Variants in FLI1 observed in about 807,000 individuals in gnomAD.
FLI1 encodes the protein Friend leukemia integration 1 transcription factor.
FLI1 carries 13 observed loss-of-function variants against 53.1 expected under a neutral mutation model. The observed-to-expected ratio is 0.24, with a 90% CI of 0.16 to 0.39. The LOEUF is 0.39. FLI1 is among the 10% of genes least tolerant of loss of function. FLI1 has a pLI of 1.00. For missense variants in FLI1, 424 were observed against 600.5 expected, an observed-to-expected ratio of 0.71 and a Z score of 3.07; for synonymous variants, 244 against 236.7, an observed-to-expected ratio of 1.03 and a Z score of -0.28.
chr11:128,768,121 G>A lies in FLI1; in HGVS notation c.234G>A (p.Glu78=). The A allele has an allele frequency of 6.2e-7, 1 of 1,610,978 alleles. No homozygotes were observed. The highest frequency in any genetic ancestry group is 8.5e-7 in the Non-Finnish European group (1 of 1,178,086). The change falls in exon 3 of 9, where the codon GAG becomes GAA. Residue 78 remains glutamate (E), a synonymous_variant. Transcript: ENST00000527786. ...GCTTTGTCTCTTCTCACTTTAGGGA[G>A]TCTCCGGTGGACTGCAGCGTTAGCA... The part of the protein sequence containing the change: ...REYDHMNGSR[E]SPVDCSVSKC...
chr11:128,783,994 G>A (rs1056333545), intron 5 of FLI1, among the ~76,000 whole-genome samples: 2 of 151,894 alleles, frequency 1.3e-5, no homozygotes, highest in Non-Finnish European at 2.9e-5. Context: ...AGGAAGGAAG[G>A]GAGGGAAGGA....
chr11:128,800,454 G>A (rs528850787), intron 5 of FLI1, among the ~76,000 whole-genome samples: 31 of 152,266 alleles, frequency 2.0e-4, no homozygotes, highest in African/African-American at 6.7e-4. Flanking sequence ...CGGCAGGGAC[G>A]TTTGGGCTTT....
At chr11:128,731,273 CA>C (rs1173804908) in intron 1 of FLI1, among the ~76,000 whole-genome samples, 5 of 151,450 alleles carry the variant, frequency 3.3e-5, no homozygotes, top group Non-Finnish European at 7.4e-5. Flanking sequence ...CAGCACTGCT[CA>C]GGGGCAGGGA....
At chr11:128,703,842 CA>C (rs35230795) in intron 1 of FLI1, among the ~76,000 whole-genome samples, 12 of 45,944 alleles carry the variant, frequency 2.6e-4, no homozygotes, top group Admixed American at 2.0e-3. Context: ...GACTCCGTCT[CA>C]AAAAAAAAAA....
chr11:128,703,699 TG>T (rs993381645), intron 1 of FLI1, among the ~76,000 whole-genome samples: 4 of 151,654 alleles, frequency 2.6e-5, no homozygotes, highest in African/African-American at 9.7e-5. Context: ...AAAAATTAGC[TG>T]GGTGTGGTGG....
chr11:128,772,463 T>C (rs1375185390), intron 3 of FLI1, among the ~76,000 whole-genome samples: 1 of 152,238 alleles, frequency 6.6e-6, no homozygotes, highest in Non-Finnish European at 1.5e-5. Flanking sequence ...TCCCGGGGTC[T>C]GTGAAATTGT....
intron 1 of FLI1, among the ~76,000 whole-genome samples, chr11:128,731,130 G>A (rs754879181): frequency 4.6e-5 from 7 of 152,338 alleles, no homozygotes; most frequent in Non-Finnish European, 7.4e-5. Context: ...ACGCTTGGCC[G>A]TTTCCTGTTG....
chr11:128,702,250 G>T (rs1938362106), intron 1 of FLI1, among the ~76,000 whole-genome samples: 1 of 152,190 alleles, frequency 6.6e-6, no homozygotes, highest in African/African-American at 2.4e-5. Flanking sequence ...TCATGTAAAT[G>T]AACAAGAATA....
rs749995325 is a variant in FLI1 at position 128,772,930 on chromosome 11, C to T, written c.534C>T (p.Ala178=). 122 of 1,613,894 alleles carry T rather than the reference C, an allele frequency of 7.6e-5. No individual in the cohort carries two copies. Among genetic ancestry groups the T allele is most frequent in the Middle Eastern group, 1.6e-4 (1 of 6,084 alleles). Residue 178 remains alanine (A), a synonymous_variant, in exon 4 of 9, where the codon GCC becomes GCT. Transcript: ENST00000527786. The stretch of plus-strand genomic sequence containing the variant: ...TGAACAAGGAGGACTTCCTCCGCGC[C>T]ACCACCCTCTACAACACGGAAGTGC... The part of the protein sequence containing the change: ...CKMNKEDFLR[A]TTLYNTEVLL...
At chr11:128,713,906 A>C (rs1938896781) in intron 1 of FLI1, among the ~76,000 whole-genome samples, 1 of 152,148 alleles carries the variant, frequency 6.6e-6, no homozygotes, top group Non-Finnish European at 1.5e-5. Context: ...TCCTAACCAT[A>C]GTCCCCCCAG....
intron 1 of FLI1, among the ~76,000 whole-genome samples, chr11:128,725,751 GA>G (rs1453463072): frequency 4.0e-5 from 6 of 149,286 alleles, no homozygotes; most frequent in East Asian, 3.9e-4. Flanking sequence ...CTTATGAAGG[GA>G]AAAAAAAACC....
intron 1 of FLI1, among the ~76,000 whole-genome samples, chr11:128,755,643 A>G (rs1940828941): frequency 6.6e-6 from 1 of 152,262 alleles, no homozygotes; most frequent in African/African-American, 2.4e-5. Context: ...AAGAGTGGAT[A>G]TAATAACCAA....
chr11:128,740,585 C>T (rs1331772580), intron 1 of FLI1, among the ~76,000 whole-genome samples: 2 of 152,182 alleles, frequency 1.3e-5, no homozygotes, highest in African/African-American at 4.8e-5. Context: ...TTCACATTAG[C>T]TTAAATTAAA....
chr11:128,728,818 A>G (rs1051854794), intron 1 of FLI1, among the ~76,000 whole-genome samples: 1 of 152,264 alleles, frequency 6.6e-6, no homozygotes, highest in Non-Finnish European at 1.5e-5. Flanking sequence ...GTCCAGGGAT[A>G]TGATGAACCA....
chr11:128,754,096 T>A (rs918583147), intron 1 of FLI1, among the ~76,000 whole-genome samples: 2 of 152,144 alleles, frequency 1.3e-5, no homozygotes, highest in Non-Finnish European at 2.9e-5. Flanking sequence ...CTTTTCAAAT[T>A]CAGCCCAGTG....
intron 1 of FLI1, among the ~76,000 whole-genome samples, chr11:128,740,186 C>T (rs780016468): frequency 6.6e-5 from 10 of 152,174 alleles, no homozygotes; most frequent in South Asian, 6.2e-4. Flanking sequence ...GGAATGTATA[C>T]GCACAAGTAC....
At chr11:128,777,841 C>CG (rs1941786250) in intron 4 of FLI1, among the ~76,000 whole-genome samples, 2 of 58,066 alleles carry the variant, frequency 3.4e-5, no homozygotes, top group African/African-American at 9.3e-5. Context: ...GACGCTTGCG[C>CG]CCCCTGGCCC....
At chr11:128,784,629 G>T (rs1942030863) in intron 5 of FLI1, among the ~76,000 whole-genome samples, 1 of 152,154 alleles carries the variant, frequency 6.6e-6, no homozygotes, top group South Asian at 2.1e-4. Context: ...GTCTGAATCT[G>T]TCTGAACGAC....
chr11:128,694,148 G>A lies in FLI1; in HGVS notation c.-111G>A. 8.1e-7 allele frequency: 1 copy of A among 1,228,818 alleles called. No individual in the cohort carries two copies. Among genetic ancestry groups the A allele is most frequent in the Non-Finnish European group, 1.1e-6 (1 of 908,874 alleles). The allele number at this position is 1,228,818 out of a possible 1,614,324, so 76.1% of individuals were successfully genotyped here. Reference sequence around the variant, plus strand: ...CGCTCGCAGGGGGCACGCAGGGAGGGCCCAGGGCGCCAGGGAGGCCGCGCC... The same window carrying A: ...CGCTCGCAGGGGGCACGCAGGGAGGACCCAGGGCGCCAGGGAGGCCGCGCC... On this transcript the variant is annotated 5_prime_UTR_variant, in exon 1 of 9. Transcript: ENST00000527786.
Sources: allele counts gnomAD v4.1 joint callset (sites outside exome capture counted in the v4.1 genomes callset), GRCh38; gene constraint gnomAD v4.1.1; transcripts MANE v1.5; gene names NCBI Gene and HGNC (gene_info 2026-07-23, HGNC 2026-07-21).